Variants in RNF20 observed in about 807,000 individuals in gnomAD.
RNF20 encodes ring finger protein 20, also known as E3 ubiquitin-protein ligase BRE1A.
Under a neutral mutation model 126.2 loss-of-function variants are expected in RNF20, and 84 were observed. The ratio of observed to expected loss-of-function variants is 0.67; its 90% CI spans 0.56 to 0.80. The LOEUF is 0.80. Among genes scored for constraint, RNF20 ranks in the 30% least tolerant of loss-of-function variants. The pLI, the probability that RNF20 is intolerant of heterozygous loss-of-function variation, is 0.00. For missense variants in RNF20, 869 were observed against 1,188.2 expected (o/e 0.73, Z 3.95); for synonymous variants, 400 against 414.3 (o/e 0.97, Z 0.42).
Position 101,552,378 on chromosome 9 carries a change from C to G in RNF20, c.1531-5C>G, listed in dbSNP as rs1827461342. ...TGTGCATCTTTCTTTTCTTTATTCT[C>G]CCAGACACGCCTGCGTAGTGGTAGT... On this transcript the variant is annotated splice_polypyrimidine_tract_variant and splice_region_variant and intron_variant, in intron 12 of 19. Coordinates refer to ENST00000389120, the MANE Select transcript of RNF20 (RefSeq NM_019592.7). 3 of 1,605,104 alleles carry G rather than the reference C, an allele frequency of 1.9e-6. No homozygotes were observed. The highest frequency in any genetic ancestry group is 1.3e-5 in the African/African-American group (1 of 74,562).
At chr9:101,554,342 G>GT (rs1211836249) in intron 14 of RNF20, among the ~76,000 whole-genome samples, 1 of 152,030 alleles carries the variant, frequency 6.6e-6, no homozygotes, top group Non-Finnish European at 1.5e-5. Flanking sequence ...TGTATTCCTT[G>GT]TTTTTCCTAT....
At chr9:101,536,433 ATTTTT>A (rs80193358) in intron 2 of RNF20, among the ~76,000 whole-genome samples, 1 of 148,568 alleles carries the variant, frequency 6.7e-6, no homozygotes, top group Non-Finnish European at 1.5e-5. Flanking sequence ...AGAGAGGCTG[ATTTTT>A]TTTTTTGAGT....
chr9:101,553,123 A>G (rs1190574033), intron 13 of RNF20, among the ~76,000 whole-genome samples: 1 of 152,232 alleles, frequency 6.6e-6, no homozygotes, highest in Non-Finnish European at 1.5e-5. Flanking sequence ...TAAGTGGAGT[A>G]TTTATATATC....
intron 16 of RNF20, among the ~76,000 whole-genome samples, chr9:101,558,005 AC>A (rs1827563836): frequency 7.2e-6 from 1 of 138,482 alleles, no homozygotes; most frequent in East Asian, 2.1e-4. Flanking sequence ...GTGTGATTTT[AC>A]TTTTTTTTTT....
At position 101,546,881 on chromosome 9, in the gene RNF20, T is replaced by C; in HGVS notation, c.809T>C (p.Met270Thr). The change falls in exon 7 of 20, where the codon ATG becomes ACG. Residue 270 changes from methionine (M) to threonine (T), a missense_variant. Met to Thr is a moderately conservative substitution (Grantham distance 81). Around this residue, in one of 8 missense-constraint regions of RNF20, gnomAD observed 103 missense variants for 94.3 expected, o/e 1.09. Transcript: ENST00000389120. ...TCACGAGTGTCTGTCCTGGAGTCCA[T>C]GATTGATGACCTGCAGTGGGATATT... ...AESRVSVLES[M>T]IDDLQWDIDK... 1 of 1,614,120 alleles carries C rather than the reference T, an allele frequency of 6.2e-7. No homozygotes were observed. Among genetic ancestry groups the C allele is most frequent in the Non-Finnish European group, 8.5e-7 (1 of 1,179,998 alleles).
intron 11 of RNF20, 53 bp downstream of exon 11, chr9:101,551,872 A>G: frequency 6.5e-7 from 1 of 1,550,116 alleles, no homozygotes; most frequent in Non-Finnish European, 8.7e-7. Context: ...CTTCCTTGAA[A>G]GATACAACAC....
At position 101,536,803 on chromosome 9, in the gene RNF20, G is replaced by A. The variant is rs75433630; in HGVS notation, c.129+1251G>A. On this transcript the variant is annotated intron_variant, in intron 2 of 19. Transcript: ENST00000389120. ...TGTGGACTTTATCCAGAGGCAATGAGGAGTTAGTGGATAGTCTTAAGTAGG... is the reference window on the plus strand; with the variant it reads ...TGTGGACTTTATCCAGAGGCAATGAAGAGTTAGTGGATAGTCTTAAGTAGG... Among the ~76,000 whole-genome samples, 142 of 152,290 alleles carry A rather than the reference G, an allele frequency of 9.3e-4. 1 individual carries two copies. In the East Asian group the frequency reaches 0.017, roughly 18 times the overall value.
At chr9:101,552,012 C>A in intron 11 of RNF20, 129 bp from the exon 12 acceptor site, 1 of 1,377,370 alleles carries the variant, frequency 7.3e-7, no homozygotes, top group Non-Finnish European at 1.0e-6. Context: ...TTTTCATCTT[C>A]TGAGAAGGAA....
At chr9:101,555,997 T>C (rs1827525621) in intron 15 of RNF20, among the ~76,000 whole-genome samples, 2 of 148,838 alleles carry the variant, frequency 1.3e-5, no homozygotes, top group South Asian at 4.5e-4. Context: ...TTCTTAAATC[T>C]GGTAAATGCC....
chr9:101,552,385 A>G lies in RNF20; in HGVS notation c.1533A>G (p.Thr511=). The G allele has an allele frequency of 6.2e-7, 1 of 1,605,300 alleles. No homozygotes were observed. The highest frequency in any genetic ancestry group is 1.3e-5 in the African/African-American group (1 of 74,682). Residue 511 remains threonine, a splice_region_variant and synonymous_variant, in exon 13 of 20, where the codon ACA becomes ACG. Coordinates refer to ENST00000389120, the MANE Select transcript of RNF20 (RefSeq NM_019592.7). The part of the protein sequence containing the change: ...LREAQSDLNK[T]RLRSGSALLQ... ...CTTTCTTTTCTTTATTCTCCCAGACACGCCTGCGTAGTGGTAGTGCCCTCC... is the reference window on the plus strand; with the variant it reads ...CTTTCTTTTCTTTATTCTCCCAGACGCGCCTGCGTAGTGGTAGTGCCCTCC...
chr9:101,560,613 ATT>A, intron 16 of RNF20, 186 bp from the exon 17 acceptor site: 1 of 439,838 alleles, frequency 2.3e-6, no homozygotes, highest in Non-Finnish European at 3.9e-6. Context: ...CTTCCACAAT[ATT>A]TTATATTAAA....
intron 2 of RNF20, among the ~76,000 whole-genome samples, chr9:101,539,109 A>C (rs1349597580): frequency 6.6e-6 from 1 of 152,200 alleles, no homozygotes; most frequent in Non-Finnish European, 1.5e-5. Context: ...TTCTCATTAA[A>C]ATAGGAAGTA....
At chr9:101,547,569 C>T in intron 9 of RNF20, 51 bp downstream of exon 9, 1 of 1,606,548 alleles carries the variant, frequency 6.2e-7, no homozygotes, top group Non-Finnish European at 8.5e-7. Flanking sequence ...TGCTGATCAA[C>T]TCACGTATAT....
intron 14 of RNF20, 47 bp downstream of exon 14, chr9:101,554,152 T>G (rs200212311): frequency 9.1e-7 from 1 of 1,101,534 alleles, no homozygotes; most frequent in East Asian, 2.4e-5. Context: ...AATCTTCATT[T>G]GTGGGATTTT....
In RNF20 at chr9:101,557,015, A is replaced by G. The variant is rs572331429; in HGVS notation, c.2170-369A>G. On this transcript the variant is annotated intron_variant, in intron 15 of 19. Transcript: ENST00000389120. The stretch of plus-strand genomic sequence containing the variant: ...TGTTACAAGGCTTTAGATGTTTGCA[A>G]CTGCTGGAAATCCTGTAGATCCAGT... Among the ~76,000 whole-genome samples, 106 of 152,348 alleles carry G rather than the reference A, an allele frequency of 7.0e-4. 1 individual carries two copies. Among genetic ancestry groups the G allele is most frequent in the African/African-American group, 2.4e-3 (98 of 41,598 alleles).
intron 5 of RNF20, among the ~76,000 whole-genome samples, chr9:101,544,227 G>T (rs914691693): frequency 3.3e-5 from 5 of 152,132 alleles, no homozygotes; most frequent in Admixed American, 3.3e-4. Flanking sequence ...CTTCAGAAGT[G>T]CCCCTAACAT....
chr9:101,541,652 TAAC>T (rs901279318), intron 5 of RNF20, among the ~76,000 whole-genome samples: 10 of 152,342 alleles, frequency 6.6e-5, no homozygotes, highest in East Asian at 3.9e-4. Flanking sequence ...TTATTTTAAA[TAAC>T]AACTATATTA....
At chr9:101,553,355 A>G (rs1481179441) in intron 13 of RNF20, among the ~76,000 whole-genome samples, 1 of 152,092 alleles carries the variant, frequency 6.6e-6, no homozygotes, top group Non-Finnish European at 1.5e-5. Flanking sequence ...CTTACTTTCT[A>G]TGGTTGATCC....
chr9:101,551,573 G>T, intron 10 of RNF20, 111 bp from the exon 11 acceptor site: 3 of 483,958 alleles, frequency 6.2e-6, no homozygotes, highest in South Asian at 5.7e-5. Context: ...TAGATATCTG[G>T]TTTCATTACG....
Sources: allele counts gnomAD v4.1 joint callset (sites outside exome capture counted in the v4.1 genomes callset), GRCh38; gene constraint gnomAD v4.1.1; regional missense constraint gnomAD v4.1.1; transcripts MANE v1.5; gene names NCBI Gene and HGNC (gene_info 2026-07-23, HGNC 2026-07-21).